The following LPIN2 variants were observed in gnomAD, a reference collection of about 807,000 sequenced individuals.
The protein encoded by LPIN2 is phosphatidate phosphatase LPIN2.
A neutral mutation model predicts 111.4 loss-of-function variants in LPIN2; 55 were observed. The ratio of observed to expected loss-of-function variants is 0.49; its 90% CI spans 0.40 to 0.62. LPIN2 has a LOEUF of 0.62. LPIN2 is among the 20% of genes least tolerant of loss of function. LPIN2 has a pLI of 0.00. For synonymous variants in LPIN2, 425 were observed against 414.0 expected, an observed-to-expected ratio of 1.03 and a Z score of -0.32; for missense variants, 992 against 1,112.1, an observed-to-expected ratio of 0.89 and a Z score of 1.54.
chr18:3,009,222 A>G (rs541845214), intron 1 of LPIN2, among the ~76,000 whole-genome samples: 1 of 151,790 alleles, frequency 6.6e-6, no homozygotes, highest in Non-Finnish European at 1.5e-5. Flanking sequence ...ACACAGTGAA[A>G]CCCTGTCTCT....
At chr18:2,938,185 A>C in intron 6 of LPIN2, 148 bp from the exon 7 acceptor site, 1 of 677,982 alleles carries the variant, frequency 1.5e-6, no homozygotes, top group Non-Finnish European at 2.5e-6. Context: ...TCCATAATAA[A>C]GTGAGAAAAA....
chr18:2,923,759 T>C lies in LPIN2; in HGVS notation c.2174+16A>G. On this transcript the variant is annotated intron_variant, in intron 16 of 19. Transcript: ENST00000677752. ...TCCAGCTCACCAGAGCGAGTTAACG[T>C]GGGGAGGGTACCTACTCATTGATGG... The C allele has an allele frequency of 6.2e-7, 1 of 1,608,450 alleles. No homozygotes were observed. Among genetic ancestry groups the C allele is most frequent in the Non-Finnish European group, 8.5e-7 (1 of 1,174,940 alleles).
chr18:2,961,578 T>A (rs1279727126), intron 1 of LPIN2, among the ~76,000 whole-genome samples: 7 of 152,164 alleles, frequency 4.6e-5, no homozygotes, highest in Non-Finnish European at 1.0e-4. Flanking sequence ...TCAAAAGGTC[T>A]GCAAGGAGTT....
intron 1 of LPIN2, among the ~76,000 whole-genome samples, chr18:2,987,792 T>G (rs2078208023): frequency 6.6e-6 from 1 of 151,942 alleles, no homozygotes; most frequent in African/African-American, 2.4e-5. Context: ...TAATTTTAAG[T>G]GTACTTAGAA....
In LPIN2 at chr18:2,991,653, A is replaced by G. The variant is rs894798815; in HGVS notation, c.-10+21434T>C. The stretch of plus-strand genomic sequence containing the variant: ...CTTGAGCCTAAGAGGTCGAGGCTGC[A>G]GTGAGCCGAGACCATGTCACTACAC... On this transcript the variant is annotated intron_variant, in intron 1 of 19. Coordinates refer to ENST00000677752, the MANE Select transcript of LPIN2 (RefSeq NM_001375808.2). Among the ~76,000 whole-genome samples the G allele has an allele frequency of 3.9e-5, 6 of 152,088 alleles. No homozygotes were observed. The South Asian group carries it at 1.2e-3, about 32-fold the overall frequency.
In LPIN2 at chr18:3,004,205, T is replaced by C. The variant is rs2078476713; in HGVS notation, c.-10+8882A>G. On this transcript the variant is annotated intron_variant, in intron 1 of 19. Coordinates refer to ENST00000677752, the MANE Select transcript of LPIN2 (RefSeq NM_001375808.2). ...ATAGACCCTCATCAGTAATTCTAAT[T>C]TTGCCTTTGCCTTGTGATCTTATTG... 2.6e-5 allele frequency among the ~76,000 whole-genome samples: 4 copies of C among 152,178 alleles called. No homozygotes were observed. In the South Asian group the frequency reaches 8.3e-4, roughly 32 times the overall value.
intron 4 of LPIN2, among the ~76,000 whole-genome samples, chr18:2,942,927 TC>T (rs2077385490): frequency 6.6e-6 from 1 of 152,126 alleles, no homozygotes; most frequent in South Asian, 2.1e-4. Context: ...TGCTAATACA[TC>T]AGAACTGAGC....
chr18:3,000,714 A>G (rs1486018080), intron 1 of LPIN2, among the ~76,000 whole-genome samples: 1 of 152,020 alleles, frequency 6.6e-6, no homozygotes, highest in Non-Finnish European at 1.5e-5. Flanking sequence ...GCCTGCGGAG[A>G]CTCTGGTGAC....
intron 4 of LPIN2, among the ~76,000 whole-genome samples, chr18:2,943,672 T>C (rs2077400553): frequency 6.6e-6 from 1 of 152,218 alleles, no homozygotes; most frequent in Non-Finnish European, 1.5e-5. Flanking sequence ...TGTCTCTAAA[T>C]GGTTCCTAAA....
At chr18:2,953,934 G>A (rs1265528729) in intron 3 of LPIN2, among the ~76,000 whole-genome samples, 1 of 152,166 alleles carries the variant, frequency 6.6e-6, no homozygotes, top group Non-Finnish European at 1.5e-5. Context: ...GTGTGTGCTG[G>A]GGAGGGGGGA....
intron 4 of LPIN2, among the ~76,000 whole-genome samples, chr18:2,941,034 G>T (rs2077360733): frequency 6.6e-6 from 1 of 152,168 alleles, no homozygotes; most frequent in South Asian, 2.1e-4. Context: ...CTTACAAAAT[G>T]AGGTAATATT....
At chr18:2,995,034 G>C (rs2078320912) in intron 1 of LPIN2, among the ~76,000 whole-genome samples, 1 of 152,176 alleles carries the variant, frequency 6.6e-6, no homozygotes, top group South Asian at 2.1e-4. Context: ...GTCAACCTAA[G>C]CTTCACAGGC....
At chr18:2,944,618 G>C (rs2143035912) in intron 4 of LPIN2, among the ~76,000 whole-genome samples, 1 of 152,086 alleles carries the variant, frequency 6.6e-6, no homozygotes, top group South Asian at 2.1e-4. Flanking sequence ...CCAAAGTGCT[G>C]GGATTACAGG....
intron 1 of LPIN2, among the ~76,000 whole-genome samples, chr18:2,971,340 G>A (rs1462004263): frequency 1.3e-5 from 2 of 152,184 alleles, no homozygotes; most frequent in Non-Finnish European, 1.5e-5. Context: ...TCAAAAAGAT[G>A]ATAGGGGAGG....
chr18:2,951,326 G>A lies in LPIN2; in HGVS notation c.319C>T (p.Pro107Ser). 1 of 1,614,084 alleles carries A rather than the reference G, an allele frequency of 6.2e-7. No homozygotes were observed. The highest frequency in any genetic ancestry group is 8.5e-7 in the Non-Finnish European group (1 of 1,180,022). The change falls in exon 4 of 20, where the codon CCA (proline) becomes TCA (serine). Residue 107 changes from proline (P) to serine (S), a missense_variant. Transcript: ENST00000677752. ...AAGAACTGATCTTCAGTAGGAATTG[G>A]TGAGGTGGCAAGGTAAGCAGGAAGC... ...EKLPAYLATS[P>S]IPTEDQFFKD...
intron 1 of LPIN2, among the ~76,000 whole-genome samples, chr18:2,983,708 A>C (rs1053528048): frequency 6.6e-6 from 1 of 152,178 alleles, no homozygotes; most frequent in Non-Finnish European, 1.5e-5. Flanking sequence ...GAATAAAAAA[A>C]CTCATAATTT....
Position 2,938,230 on chromosome 18 carries a change from T to TA in LPIN2, c.823-194dup, listed in dbSNP as rs2077318129. ...GCCTTTTGTTCAATATCATGATACTTATAAATGTTCTGGCCGGGCACAGTG... is the reference window on the plus strand; with the variant it reads ...GCCTTTTGTTCAATATCATGATACTTAATAAATGTTCTGGCCGGGCACAGTG... On this transcript the variant is annotated intron_variant, in intron 6 of 19. Coordinates refer to ENST00000677752, the MANE Select transcript of LPIN2 (RefSeq NM_001375808.2). Among the ~76,000 whole-genome samples, 5 of 152,250 alleles carry TA rather than the reference T, an allele frequency of 3.3e-5. No homozygotes were observed. In the South Asian group the frequency reaches 1.0e-3, roughly 32 times the overall value.
intron 1 of LPIN2, among the ~76,000 whole-genome samples, chr18:3,010,696 A>T (rs1598620733): frequency 1.3e-5 from 2 of 152,322 alleles, no homozygotes; most frequent in South Asian, 4.1e-4. Context: ...ATTGCTAAGC[A>T]CCTACGGGAG....
intron 16 of LPIN2, among the ~76,000 whole-genome samples, chr18:2,923,420 CAAAAAAAAAAAAAA>C (rs869052239): frequency 1.4e-3 from 36 of 26,598 alleles, no homozygotes; most frequent in African/African-American, 3.1e-3. Flanking sequence ...AACTCCATCT[CAAAAAAAAAAAAAA>C]AAAAAAAAAA....
Sources: gnomAD v4.1 joint callset for allele counts (sites outside exome capture counted in the v4.1 genomes callset) on GRCh38, gnomAD v4.1.1 for gene constraint, MANE v1.5 for transcripts, NCBI Gene and HGNC (gene_info 2026-07-23, HGNC 2026-07-21) for gene names.